Variants in SPON1 observed in about 807,000 individuals in gnomAD.
The protein encoded by SPON1 is spondin-1.
SPON1 carries 52 observed loss-of-function variants against 111.7 expected under a neutral mutation model. The ratio of observed to expected loss-of-function variants is 0.47; its 90% CI spans 0.37 to 0.59. The LOEUF is 0.59. SPON1 is among the 20% of genes least tolerant of loss of function. The pLI, the probability that SPON1 is intolerant of heterozygous loss-of-function variation, is 0.00. For synonymous variants in SPON1, 410 were observed against 395.8 expected, an observed-to-expected ratio of 1.04 and a Z score of -0.43; for missense variants, 957 against 1,068.5, an observed-to-expected ratio of 0.90 and a Z score of 1.46.
At chr11:14,149,419 A>G (rs1363632032) in intron 6 of SPON1, among the ~76,000 whole-genome samples, 2 of 152,188 alleles carry the variant, frequency 1.3e-5, no homozygotes, top group East Asian at 1.9e-4. Context: ...GTATTATTAC[A>G]GTCGTTAAAA....
intron 1 of SPON1, 110 bp from the exon 2 acceptor site, chr11:13,982,737 C>A: frequency 2.7e-6 from 2 of 742,902 alleles, no homozygotes; most frequent in Admixed American, 4.4e-5. Flanking sequence ...TCCACGGCCT[C>A]TGTAACTCAC....
Position 14,113,568 on chromosome 11 carries a change from AT to A in SPON1, c.677-21800del, listed in dbSNP as rs782780924. 6.7e-5 allele frequency among the ~76,000 whole-genome samples: 5 copies of A among 74,760 alleles called. 2 individuals carry two copies. Among genetic ancestry groups the A allele is most frequent in the African/African-American group, 2.1e-4 (4 of 18,760 alleles). 49.0% of individuals were successfully genotyped at this position (74,760 alleles called of 152,430 possible). A position where few individuals can be genotyped will look rare whatever the true frequency, so the allele number is the denominator to read the frequency against. On this transcript the variant is annotated intron_variant, in intron 5 of 15. Coordinates refer to ENST00000576479, the MANE Select transcript of SPON1 (RefSeq NM_006108.4). The stretch of plus-strand genomic sequence containing the variant: ...AAGTCACCTCCTATGTACTTTTTAA[AT>A]TTTTTTTTTTTTTTTTTTTTTTTTT...
At chr11:14,097,636 C>T (rs960730887) in intron 5 of SPON1, among the ~76,000 whole-genome samples, 25 of 152,018 alleles carry the variant, frequency 1.6e-4, no homozygotes, top group African/African-American at 5.1e-4. Flanking sequence ...CATGGTGGTG[C>T]GTGCCTGTAG....
chr11:14,253,889 C>G (rs188919995), intron 7 of SPON1, among the ~76,000 whole-genome samples: 30 of 152,344 alleles, frequency 2.0e-4, no homozygotes, highest in Admixed American at 1.7e-3. Context: ...TCTTTCCTTT[C>G]CAGCCACTCT....
At chr11:14,017,339 T>C (rs1848451064) in intron 2 of SPON1, among the ~76,000 whole-genome samples, 1 of 152,206 alleles carries the variant, frequency 6.6e-6, no homozygotes, top group Admixed American at 6.5e-5. Context: ...AAAATCAGTG[T>C]CAAAATGTTT....
At chr11:14,044,471 G>A (rs1482411941) in intron 3 of SPON1, among the ~76,000 whole-genome samples, 1 of 152,088 alleles carries the variant, frequency 6.6e-6, no homozygotes, top group Non-Finnish European at 1.5e-5. Flanking sequence ...CATTAGCTGG[G>A]CGTGGTGGTG....
intron 6 of SPON1, among the ~76,000 whole-genome samples, chr11:14,148,174 A>G (rs1554929547): frequency 6.6e-6 from 1 of 152,248 alleles, no homozygotes; most frequent in Non-Finnish European, 1.5e-5. Context: ...ATAGGGGACC[A>G]GTTAAATAAA....
intron 6 of SPON1, among the ~76,000 whole-genome samples, chr11:14,194,638 C>A (rs1848382326): frequency 6.6e-6 from 1 of 151,880 alleles, no homozygotes; most frequent in Non-Finnish European, 1.5e-5. Flanking sequence ...TACAAGGGAC[C>A]AATCACAAAG....
chr11:14,113,283 G>A (rs1489412535), intron 5 of SPON1, among the ~76,000 whole-genome samples: 1 of 152,288 alleles, frequency 6.6e-6, no homozygotes, highest in African/African-American at 2.4e-5. Context: ...CATTTCACCA[G>A]AGCTCCAGGG....
rs559205659 is a variant in SPON1, at chr11:14,063,926, A to C, written c.480-11419A>C. On this transcript the variant is annotated intron_variant, in intron 3 of 15. Coordinates refer to ENST00000576479, the MANE Select transcript of SPON1 (RefSeq NM_006108.4). ...GCCTTTATGCAGTGGGAAATGTTTC[A>C]TGATTCAGACCAGTCACTGTTTGCT... Among the ~76,000 whole-genome samples, 5 of 152,348 alleles carry C rather than the reference A, an allele frequency of 3.3e-5. No individual in the cohort carries two copies. In the South Asian group the frequency reaches 1.0e-3, roughly 32 times the overall value.
At chr11:14,129,593 C>T (rs10832186) in intron 5 of SPON1, among the ~76,000 whole-genome samples, 24,170 of 152,188 alleles carry the variant, frequency 0.16, 2,107 homozygotes, top group Admixed American at 0.23. Context: ...ATCTTCCTGT[C>T]TTCTTGTGAG....
At position 13,988,532 on chromosome 11, in the gene SPON1, C is replaced by T. The variant is rs1391239804; in HGVS notation, c.345+5579C>T. Among the ~76,000 whole-genome samples, 7 of 152,078 alleles carry T rather than the reference C, an allele frequency of 4.6e-5. No homozygotes were observed. In the South Asian group the frequency reaches 1.5e-3, roughly 32 times the overall value. On this transcript the variant is annotated intron_variant, in intron 2 of 15. Transcript: ENST00000576479. ...ACTTCCTCTCTTCCTATTTGAATAC[C>T]CTTTATTTCTTTCTCTTGTCTGATT... is the stretch of plus-strand genomic sequence containing the variant.
intron 5 of SPON1, among the ~76,000 whole-genome samples, chr11:14,107,590 GAAAAAAAAAAA>G (rs3047369): frequency 3.4e-5 from 4 of 119,266 alleles, no homozygotes; most frequent in Non-Finnish European, 5.3e-5. Flanking sequence ...AGATCCTCAG[GAAAAAAAAAAA>G]AAAAAAAAAA....
chr11:14,023,863 G>A (rs906122660), intron 2 of SPON1, among the ~76,000 whole-genome samples: 3 of 152,136 alleles, frequency 2.0e-5, no homozygotes, highest in African/African-American at 4.8e-5. Context: ...TTAGCTGGGC[G>A]TAGTGGTGGG....
At chr11:13,963,731 C>T (rs1329359999) in intron 1 of SPON1, among the ~76,000 whole-genome samples, 1 of 152,190 alleles carries the variant, frequency 6.6e-6, no homozygotes, top group Non-Finnish European at 1.5e-5. Context: ...CCTAAAGCTC[C>T]TCGAAAGGGT....
At chr11:14,082,484 A>T (rs1848970405) in intron 5 of SPON1, among the ~76,000 whole-genome samples, 1 of 152,178 alleles carries the variant, frequency 6.6e-6, no homozygotes, top group African/African-American at 2.4e-5. Context: ...AAACGTGATG[A>T]CGTGCTTATC....
chr11:14,131,958 T>C (rs1847534206), intron 5 of SPON1, among the ~76,000 whole-genome samples: 2 of 152,206 alleles, frequency 1.3e-5, no homozygotes, highest in South Asian at 4.1e-4. Context: ...ATATCTGTTA[T>C]TTGGTTGATG....
intron 2 of SPON1, among the ~76,000 whole-genome samples, chr11:14,019,996 G>A (rs1368127194): frequency 6.6e-6 from 1 of 152,178 alleles, no homozygotes; most frequent in Non-Finnish European, 1.5e-5. Context: ...GAAACTCAAG[G>A]AAAGGAACAG....
At chr11:14,116,287 G>A (rs1849266482) in intron 5 of SPON1, among the ~76,000 whole-genome samples, 1 of 151,588 alleles carries the variant, frequency 6.6e-6, no homozygotes, top group African/African-American at 2.4e-5. Context: ...CACCTTTTTT[G>A]CTCCATTTAA....
Sources: gnomAD v4.1 joint callset for allele counts (sites outside exome capture counted in the v4.1 genomes callset) on GRCh38, gnomAD v4.1.1 for gene constraint, MANE v1.5 for transcripts, NCBI Gene and HGNC (gene_info 2026-07-23, HGNC 2026-07-21) for gene names.